FMN2: variants seen among roughly 807,000 people sequenced by gnomAD.
FMN2 encodes the protein formin 2, also known as formin-2.
A neutral mutation model predicts 142.3 loss-of-function variants in FMN2; 51 were observed. The ratio of observed to expected loss-of-function variants is 0.36; its 90% CI spans 0.29 to 0.45. The LOEUF is 0.45. Among genes scored for constraint, FMN2 ranks in the 20% least tolerant of loss-of-function variants. FMN2 has a pLI of 1.00. For missense variants in FMN2, 1,936 were observed against 2,122.8 expected (o/e 0.91, Z 1.73); for synonymous variants, 882 against 869.8 (o/e 1.01, Z -0.25).
In FMN2 at chr1:240,211,174, C is replaced by G. The variant is rs1364080735; in HGVS notation, c.4004C>G (p.Thr1335Ser). 2 of 1,613,186 alleles carry G rather than the reference C, an allele frequency of 1.2e-6. No homozygotes were observed. The highest frequency in any genetic ancestry group is 1.6e-4 in the Middle Eastern group (1 of 6,082). ...CHEFEELFSKTAVKERKKPIS... is the reference protein window; with the variant it reads ...CHEFEELFSKSAVKERKKPIS... The stretch of plus-strand genomic sequence containing the variant: ...GAATTTGAGGAATTATTTTCTAAAA[C>G]TGCTGTAAAGGAGAGAAAGAAACCT... Residue 1335 changes from threonine to serine, a missense_variant, in exon 6 of 18, where the codon ACT becomes AGT. Around this residue, in one of 8 missense-constraint regions of FMN2, gnomAD observed 259 missense variants for 230.9 expected, o/e 1.12. Transcript: ENST00000319653.
chr1:240,259,487 C>CGTT (rs1553351467), intron 7 of FMN2, among the ~76,000 whole-genome samples: 1 of 134,274 alleles, frequency 7.4e-6, no homozygotes, highest in South Asian at 2.4e-4. Context: ...ACCCTGTACA[C>CGTT]TTTTTTTTTT....
chr1:240,448,816 GT>G (rs67810121), intron 16 of FMN2, among the ~76,000 whole-genome samples: 109,865 of 151,278 alleles, frequency 0.73, 40,031 homozygotes, highest in East Asian at 0.89. Context: ...GCAAGACCCT[GT>G]TTTAAAAAAA....
At chr1:240,446,073 C>T (rs1572324064) in intron 16 of FMN2, among the ~76,000 whole-genome samples, 1 of 152,082 alleles carries the variant, frequency 6.6e-6, no homozygotes, top group African/African-American at 2.4e-5. Context: ...CTCCTTTCTT[C>T]TAAAATGCTG....
intron 15 of FMN2, among the ~76,000 whole-genome samples, chr1:240,433,864 A>G (rs1253016533): frequency 6.6e-6 from 1 of 152,180 alleles, no homozygotes. Context: ...TGGGGACGTT[A>G]GATACCTAGG....
chr1:240,472,469 T>A lies in FMN2; in HGVS notation c.5142+16T>A, dbSNP rs1481753066. ...CTCTGGAATTGTAAGTATTACTGAT[T>A]TTTAACTTGTTATTTTCTTTGGCTT... On this transcript the variant is annotated intron_variant, in intron 17 of 17. Coordinates refer to ENST00000319653, the MANE Select transcript of FMN2 (RefSeq NM_020066.5). 8 of 1,518,230 alleles carry A rather than the reference T, an allele frequency of 5.3e-6. No homozygotes were observed. The East Asian group carries it at 1.6e-4, about 30-fold the overall frequency. 94.0% of individuals were successfully genotyped at this position (1,518,230 alleles called of 1,614,324 possible).
chr1:240,207,600 G>A lies in FMN2; in HGVS notation c.2788G>A (p.Gly930Ser), dbSNP rs748088983. 1 of 1,585,652 alleles carries A rather than the reference G, an allele frequency of 6.3e-7. No individual in the cohort carries two copies. The highest frequency in any genetic ancestry group is 8.6e-7 in the Non-Finnish European group (1 of 1,166,588). Residue 930 changes from glycine to serine, a missense_variant, in exon 5 of 18, where the codon GGC (glycine) becomes AGC (serine). Gly to Ser is a moderately conservative substitution (Grantham distance 56). Coordinates refer to ENST00000319653, the MANE Select transcript of FMN2 (RefSeq NM_020066.5). ...IPPPPPLPGA[G>S]ILPLPPLPGA... ...TCCTCCGCCGCCTCTACCCGGAGCA[G>A]GCATACTCCCTCTGCCCCCTCTACC...
intron 6 of FMN2, 103 bp from the exon 7 acceptor site, chr1:240,257,842 T>C: frequency 1.1e-6 from 1 of 936,664 alleles, no homozygotes; most frequent in Non-Finnish European, 1.7e-6. Flanking sequence ...TGACGTGAGA[T>C]CTTTTCTCTG....
chr1:240,266,606 C>T (rs1418615306), intron 7 of FMN2, among the ~76,000 whole-genome samples: 1 of 152,046 alleles, frequency 6.6e-6, no homozygotes, highest in Non-Finnish European at 1.5e-5. Flanking sequence ...CTTATCCAGG[C>T]CACCATTGAT....
At chr1:240,258,437 T>G (rs1229372871) in intron 7 of FMN2, among the ~76,000 whole-genome samples, 2 of 152,092 alleles carry the variant, frequency 1.3e-5, no homozygotes, top group Admixed American at 1.3e-4. Flanking sequence ...TCTCCATGTA[T>G]CCTCAATTGG....
chr1:240,167,616 ATG>A (rs1664530733), intron 2 of FMN2, among the ~76,000 whole-genome samples: 1 of 152,200 alleles, frequency 6.6e-6, no homozygotes, highest in South Asian at 2.1e-4. Flanking sequence ...AATCACATTT[ATG>A]TGTTCCATGT....
At chr1:240,323,352 G>A (rs1430846434) in intron 8 of FMN2, among the ~76,000 whole-genome samples, 10 of 151,850 alleles carry the variant, frequency 6.6e-5, no homozygotes, top group Non-Finnish European at 1.5e-5. Context: ...CTGCCACCAC[G>A]CCCGGCTAAT....
At chr1:240,334,059 T>C (rs573712559) in intron 12 of FMN2, 50 bp from the exon 13 acceptor site, 43 of 1,572,184 alleles carry the variant, frequency 2.7e-5, no homozygotes, top group Non-Finnish European at 3.3e-5. Context: ...TATTCTTTTT[T>C]ATATTGATAA....
At chr1:240,392,401 C>G (rs1250720688) in intron 14 of FMN2, 110 bp from the exon 15 acceptor site, 1 of 748,842 alleles carries the variant, frequency 1.3e-6, no homozygotes, top group Non-Finnish European at 2.2e-6. Context: ...GGTTGTAGTA[C>G]AATAGAATTA....
In FMN2 at chr1:240,123,326, C is replaced by T. The variant is rs773346283; in HGVS notation, c.1763C>T (p.Thr588Met). The change falls in exon 2 of 18, where the codon ACG becomes ATG. Residue 588 changes from threonine to methionine, a missense_variant. Thr to Met is a moderately conservative substitution (Grantham distance 81, BLOSUM62 -1). Transcript: ENST00000319653. ...GAACCGTGTAATCAGAATGCCCAGACGAATGCAGCTTCGTTTGATGTAAGT... is the reference window on the plus strand; with the variant it reads ...GAACCGTGTAATCAGAATGCCCAGATGAATGCAGCTTCGTTTGATGTAAGT... ...FREPCNQNAQ[T>M]NAASFDQDQL... The T allele has an allele frequency of 9.9e-6, 16 of 1,613,752 alleles. No individual in the cohort carries two copies. The East Asian group carries it at 1.6e-4, about 16-fold the overall frequency.
At chr1:240,460,666 T>G (rs955949560) in intron 16 of FMN2, among the ~76,000 whole-genome samples, 1 of 151,574 alleles carries the variant, frequency 6.6e-6, no homozygotes, top group African/African-American at 2.4e-5. Flanking sequence ...CATAAATATA[T>G]AATGTATATA....
At chr1:240,268,356 A>T (rs1284356478) in intron 7 of FMN2, among the ~76,000 whole-genome samples, 1 of 152,102 alleles carries the variant, frequency 6.6e-6, no homozygotes, top group Admixed American at 6.6e-5. Flanking sequence ...TATGAGAATT[A>T]TCTAACAGCT....
At position 240,154,047 on chromosome 1, in the gene FMN2, T is replaced by A. The variant is rs745680290; in HGVS notation, c.1783-23874T>A. Among the ~76,000 whole-genome samples, 24 of 137,686 alleles carry A rather than the reference T, an allele frequency of 1.7e-4. No individual in the cohort carries two copies. In the Middle Eastern group the frequency reaches 0.017, roughly 96 times the overall value. The allele number at this position is 137,686 out of a possible 152,430, so 90.3% of individuals were successfully genotyped here. On this transcript the variant is annotated intron_variant, in intron 2 of 17. Coordinates refer to ENST00000319653, the MANE Select transcript of FMN2 (RefSeq NM_020066.5). ...ATCTCTTGAACCCAGGAGGCGGAGG[T>A]TGCAGTGAGCCGAGATCAGGCCACT...
chr1:240,361,132 AATATATGTGTATATATAT>A (rs1259971658), intron 14 of FMN2, among the ~76,000 whole-genome samples: 55 of 35,736 alleles, frequency 1.5e-3, no homozygotes, highest in African/African-American at 2.7e-3. Context: ...ATAATAAATA[AATATATGTGTATATATAT>A]ATATATATAT....
At chr1:240,117,013 G>T (rs1275877257) in intron 1 of FMN2, among the ~76,000 whole-genome samples, 1 of 152,052 alleles carries the variant, frequency 6.6e-6, no homozygotes, top group Non-Finnish European at 1.5e-5. Context: ...GTGATACTGG[G>T]AATGTCCAGC....
Sources: allele counts gnomAD v4.1 joint callset (sites outside exome capture counted in the v4.1 genomes callset), GRCh38; gene constraint gnomAD v4.1.1; regional missense constraint gnomAD v4.1.1; transcripts MANE v1.5; gene names NCBI Gene and HGNC (gene_info 2026-07-23, HGNC 2026-07-21).